Variants in MAMLD1 observed in about 807,000 individuals in gnomAD.
MAMLD1 encodes mastermind-like domain-containing protein 1.
In MAMLD1, 14 loss-of-function variants were observed where a neutral mutation model predicts 45.0. The observed-to-expected ratio is 0.31, with a 90% CI of 0.21 to 0.49. The LOEUF is 0.49. Among genes scored for constraint, MAMLD1 ranks in the 20% least tolerant of loss-of-function variants. MAMLD1 has a pLI of 0.99. For synonymous variants in MAMLD1, 254 were observed against 247.8 expected, an observed-to-expected ratio of 1.02 and a Z score of -0.24; for missense variants, 543 against 603.6, an observed-to-expected ratio of 0.90 and a Z score of 1.05.
At chrX:150,393,113 T>C (rs145352768) in intron 1 of MAMLD1, among the ~76,000 whole-genome samples, 1 of 111,923 alleles carries the variant, frequency 8.9e-6, no homozygotes, top group African/African-American at 3.3e-5. Flanking sequence ...TATTTATCCC[T>C]CCCTTCCAAT....
chrX:150,362,714 G>T (rs962482771), upstream of MAMLD1: 6 of 111,979 alleles, frequency 5.4e-5, no homozygotes, highest in Non-Finnish European at 1.1e-4. Flanking sequence ...TCTACCTTCG[G>T]CGTGCGGGTT....
At chrX:150,393,955 C>T (rs2033296157) in intron 1 of MAMLD1, among the ~76,000 whole-genome samples, 1 of 110,146 alleles carries the variant, frequency 9.1e-6, no homozygotes, top group African/African-American at 3.3e-5. Context: ...TTAATTCTTT[C>T]TTTCATGGTT....
chrX:150,448,880 C>G (rs1404522787), intron 2 of MAMLD1, among the ~76,000 whole-genome samples: 1 of 111,786 alleles, frequency 8.9e-6, no homozygotes, highest in Non-Finnish European at 1.9e-5. Context: ...TCAGTCCATA[C>G]CCCACCATAA....
intron 1 of MAMLD1, among the ~76,000 whole-genome samples, chrX:150,380,159 G>A (rs1486731961): frequency 1.8e-5 from 2 of 111,785 alleles, no homozygotes; most frequent in Non-Finnish European, 3.8e-5. Flanking sequence ...GTATGAGAGT[G>A]TTTTTTTCCC....
intron 1 of MAMLD1, among the ~76,000 whole-genome samples, chrX:150,433,020 A>T (rs1265149464): frequency 7.1e-5 from 8 of 111,928 alleles, no homozygotes; most frequent in African/African-American, 2.6e-4. Context: ...CCATTTTAAC[A>T]ATATTGATTC....
At chrX:150,454,515 G>A (rs1756615683) in intron 2 of MAMLD1, among the ~76,000 whole-genome samples, 3 of 111,514 alleles carry the variant, frequency 2.7e-5, no homozygotes, top group African/African-American at 9.8e-5. Context: ...TGTTTTTCCC[G>A]GTAATTCAGT....
chrX:150,467,775 C>A (rs1373463318), intron 3 of MAMLD1, among the ~76,000 whole-genome samples: 1 of 111,841 alleles, frequency 8.9e-6, no homozygotes, highest in Non-Finnish European at 1.9e-5. Context: ...TCTGGCTGAG[C>A]AACTCTGGGT....
chrX:150,506,059 G>A (rs782058748), intron 6 of MAMLD1, among the ~76,000 whole-genome samples: 5 of 112,243 alleles, frequency 4.5e-5, no homozygotes, highest in African/African-American at 9.7e-5. Context: ...AAGGGTGAAC[G>A]AGTTGTTTCT....
At position 150,408,791 on chromosome X, in the gene MAMLD1, C is replaced by T. The variant is rs1328349327; in HGVS notation, c.-63-36663C>T. 2.7e-5 allele frequency among the ~76,000 whole-genome samples: 3 copies of T among 112,047 alleles called. No homozygotes were observed. The East Asian group carries it at 8.4e-4, about 31-fold the overall frequency. On this transcript the variant is annotated intron_variant, in intron 1 of 7. Transcript: ENST00000370401. ...AGTCAGTCCTGAGTGGTGGTTTGCT[C>T]AATCATTGGCATTTGGTTGCATGAG...
intron 1 of MAMLD1, among the ~76,000 whole-genome samples, chrX:150,371,914 G>A (rs906000117): frequency 2.7e-5 from 3 of 111,830 alleles, no homozygotes; most frequent in African/African-American, 9.8e-5. Flanking sequence ...TGATTTTACA[G>A]AAGAGGAAAC....
chrX:150,372,112 A>G (rs1382126882), intron 1 of MAMLD1, among the ~76,000 whole-genome samples: 3 of 111,889 alleles, frequency 2.7e-5, no homozygotes, highest in Non-Finnish European at 5.6e-5. Flanking sequence ...ATGGAGGGGG[A>G]GCGCTTGTAA....
At chrX:150,392,616 C>T (rs782750540) in intron 1 of MAMLD1, among the ~76,000 whole-genome samples, 8 of 109,892 alleles carry the variant, frequency 7.3e-5, no homozygotes, top group Non-Finnish European at 1.3e-4. Flanking sequence ...GGAATATCAA[C>T]TTCCCACTTT....
upstream of MAMLD1, chrX:150,361,778 G>A (rs782419389): frequency 8.8e-6 from 1 of 113,032 alleles, no homozygotes; most frequent in East Asian, 2.8e-4. Flanking sequence ...GGTGGGAGGG[G>A]AGTCGCTGGA....
intron 1 of MAMLD1, among the ~76,000 whole-genome samples, chrX:150,397,215 T>C (rs1202208194): frequency 1.8e-5 from 2 of 112,007 alleles, no homozygotes; most frequent in Non-Finnish European, 3.8e-5. Flanking sequence ...GTTTTATTTT[T>C]TTCCATATGG....
intron 1 of MAMLD1, among the ~76,000 whole-genome samples, chrX:150,382,901 A>ATTTTTTTTTTT (rs1477501446): frequency 2.5e-5 from 1 of 40,136 alleles, no homozygotes; most frequent in Non-Finnish European, 3.9e-5. Flanking sequence ...TTTTTTTTTT[A>ATTTTTTTTTTT]TTTTTTATTT....
At chrX:150,362,778 A>T (rs1173152660), upstream of MAMLD1, 3 of 111,647 alleles carry the variant, frequency 2.7e-5, no homozygotes, top group African/African-American at 9.8e-5. Flanking sequence ...TGTCTGCTGG[A>T]GGCGCTCCGC....
chrX:150,512,281 G>C lies in MAMLD1; in HGVS notation c.*322G>C. On this transcript the variant is annotated 3_prime_UTR_variant, in exon 8 of 8. Transcript: ENST00000370401. ...TTGACTCTGTCTGCCAGCATATGCA[G>C]AGTCCCAAGGCCACCCCACCAGAAG... 1 of 1,119,578 alleles carries C rather than the reference G, an allele frequency of 8.9e-7. No homozygotes were observed. Among genetic ancestry groups the C allele is most frequent in the African/African-American group, 1.8e-5 (1 of 55,533 alleles). 92.3% of individuals were successfully genotyped at this position (1,119,578 alleles called of 1,213,427 possible). A position where few individuals can be genotyped will look rare whatever the true frequency, so the allele number is the denominator to read the frequency against.
chrX:150,482,675 GAGC>G (rs1557407395), intron 5 of MAMLD1, among the ~76,000 whole-genome samples: 2 of 112,371 alleles, frequency 1.8e-5, no homozygotes, highest in African/African-American at 6.5e-5. Flanking sequence ...TCCCTGGTAA[GAGC>G]AGTATTTACT....
intron 5 of MAMLD1, among the ~76,000 whole-genome samples, chrX:150,502,442 C>T (rs1424419004): frequency 2.7e-5 from 3 of 112,370 alleles, no homozygotes; most frequent in Admixed American, 1.9e-4. Flanking sequence ...TTGGTGTGCT[C>T]GTCAGGGTAC....
Sources: allele counts gnomAD v4.1 joint callset (sites outside exome capture counted in the v4.1 genomes callset), GRCh38; gene constraint gnomAD v4.1.1; transcripts MANE v1.5; gene names NCBI Gene and HGNC (gene_info 2026-07-23, HGNC 2026-07-21).